The following GALC variants were observed in gnomAD, a reference collection of about 807,000 sequenced individuals.
GALC encodes galactocerebrosidase.
In GALC, 77 loss-of-function variants were observed where a neutral mutation model predicts 91.8. The ratio of observed to expected loss-of-function variants is 0.84; its 90% confidence interval spans 0.70 to 1.01. The LOEUF (loss-of-function observed/expected upper bound fraction) is 1.01, where lower values mean the gene tolerates loss of function less well. Ranked by LOEUF, GALC falls within the 50% of genes least tolerant of loss-of-function variation. GALC has a pLI of 0.00. For missense variants in GALC, 882 were observed against 855.9 expected (o/e 1.03, Z -0.38); for synonymous variants, 357 against 306.7 (o/e 1.16, Z -1.71).
chr14:87,950,018 C>A, intron 11 of GALC, 87 bp from the exon 12 acceptor site: 1 of 740,324 alleles, frequency 1.4e-6, no homozygotes, highest in Non-Finnish European at 2.5e-6. Flanking sequence ...CAAGAATGTA[C>A]CAATGACAAT....
intron 15 of GALC, among the ~76,000 whole-genome samples, chr14:87,940,509 T>C (rs947096487): frequency 2.6e-5 from 4 of 151,914 alleles, no homozygotes; most frequent in African/African-American, 9.7e-5. Context: ...GACACAGATT[T>C]AAATTCCTAG....
rs1884427513 is a variant in GALC, at chr14:87,933,070, TTG to T, written c.*1660_*1661del. 1 of 152,064 alleles carries T rather than the reference TTG, an allele frequency of 6.6e-6. No homozygotes were observed. The highest frequency in any genetic ancestry group is 1.5e-5 in the Non-Finnish European group (1 of 67,994). The allele number at this position is 152,064 out of a possible 1,614,324, so 9.4% of individuals were successfully genotyped here. ...CAGAAACTGGTGGGGAGGAAACAAA[TTG>T]TGGTATATTCATACAATGGAAAACT... On this transcript the variant is annotated 3_prime_UTR_variant, in exon 17 of 17. Coordinates refer to ENST00000261304, the MANE Select transcript of GALC (RefSeq NM_000153.4).
At chr14:87,989,430 C>T (rs1212232587) in intron 1 of GALC, 2 of 152,264 alleles carry the variant, frequency 1.3e-5, no homozygotes, top group Non-Finnish European at 1.5e-5. Context: ...GAGGCAAACA[C>T]CCATGGAGCT....
At chr14:87,979,644 G>A (rs367684582) in intron 6 of GALC, among the ~76,000 whole-genome samples, 3 of 152,152 alleles carry the variant, frequency 2.0e-5, no homozygotes, top group Non-Finnish European at 2.9e-5. Flanking sequence ...AATGGAAACC[G>A]TAATACTTTT....
intron 1 of GALC, 186 bp downstream of exon 1, chr14:87,992,784 C>A (rs1887262098): frequency 7.1e-7 from 1 of 1,412,128 alleles, no homozygotes; most frequent in Non-Finnish European, 9.2e-7. Context: ...TCGTGTTAAA[C>A]GAGAAAGCAC....
intron 7 of GALC, among the ~76,000 whole-genome samples, chr14:87,975,301 C>T (rs977654577): frequency 2.6e-5 from 4 of 152,034 alleles, no homozygotes; most frequent in African/African-American, 7.2e-5. Context: ...AGAGCAAGAA[C>T]ATAAAGATTA....
At chr14:87,980,336 G>A (rs1285819909) in intron 6 of GALC, among the ~76,000 whole-genome samples, 1 of 151,218 alleles carries the variant, frequency 6.6e-6, no homozygotes, top group Non-Finnish European at 1.5e-5. Context: ...GAGCCAAGAT[G>A]GCGCCATTGC....
In GALC at chr14:87,949,829, T is replaced by C. The variant is rs1192426175; in HGVS notation, c.1338+16A>G. ...TGTTGGAATACCCAAAATATAAGAA[T>C]TTACTTTAAAATTACCCATAGAGAA... is the stretch of plus-strand genomic sequence containing the variant. On this transcript the variant is annotated intron_variant, in intron 12 of 16. Coordinates refer to ENST00000261304, the MANE Select transcript of GALC (RefSeq NM_000153.4). 6 of 1,381,520 alleles carry C rather than the reference T, an allele frequency of 4.3e-6. No homozygotes were observed. The highest frequency in any genetic ancestry group is 6.2e-6 in the Non-Finnish European group (6 of 970,132). 85.6% of individuals were successfully genotyped at this position (1,381,520 alleles called of 1,614,324 possible).
intron 10 of GALC, chr14:87,955,294 G>A (rs1885484404): frequency 1.6e-6 from 1 of 640,732 alleles, no homozygotes; most frequent in East Asian, 2.7e-5. Context: ...TTTTGCTTTG[G>A]ATTTTTTATT....
rs757920477 is a variant in GALC at position 87,982,220 on chromosome 14, A to G, written c.606T>C (p.Asn202=). ...TTGTACACACCTTAATATAATTGGC[A>G]TTATATGACCTCTCATTCCAAATCT... The part of the protein sequence containing the change: ...YIGIWNERSY[N]ANYIKILRKM... The change falls in exon 6 of 17, where the codon AAT becomes AAC. Residue 202 remains asparagine, a synonymous_variant. Transcript: ENST00000261304. 1 of 1,578,944 alleles carries G rather than the reference A, an allele frequency of 6.3e-7. No homozygotes were observed. The highest frequency in any genetic ancestry group is 1.3e-5 in the African/African-American group (1 of 74,388).
At chr14:87,966,801 T>C (rs1184513510) in intron 8 of GALC, among the ~76,000 whole-genome samples, 2 of 152,226 alleles carry the variant, frequency 1.3e-5, no homozygotes, top group Non-Finnish European at 2.9e-5. Flanking sequence ...CATGGGCATA[T>C]ACAAAGATAT....
chr14:87,963,363 A>G (rs2139991815), intron 10 of GALC, 21 bp downstream of exon 10: 2 of 1,611,858 alleles, frequency 1.2e-6, no homozygotes, highest in East Asian at 4.5e-5. Context: ...AGTTAATCCA[A>G]TAGCAACAAC....
intron 10 of GALC, chr14:87,953,449 A>C (rs1885392793): frequency 1.3e-6 from 2 of 1,549,634 alleles, no homozygotes; most frequent in Non-Finnish European, 1.8e-6. Flanking sequence ...TTTTCCTAAA[A>C]CAGAAAATAG....
intron 10 of GALC, among the ~76,000 whole-genome samples, chr14:87,957,739 A>C (rs1885616504): frequency 1.3e-5 from 2 of 152,180 alleles, no homozygotes; most frequent in South Asian, 4.1e-4. Flanking sequence ...TGAGAATCAA[A>C]CCAATAACTC....
chr14:87,983,813 G>A (rs1162934641), intron 5 of GALC, among the ~76,000 whole-genome samples: 2 of 152,138 alleles, frequency 1.3e-5, no homozygotes, highest in South Asian at 4.1e-4. Context: ...ACAGGTGAAC[G>A]CAGATTTCAG....
At chr14:87,953,644 A>C in intron 10 of GALC, 11 of 1,609,704 alleles carry the variant, frequency 6.8e-6, no homozygotes, top group Non-Finnish European at 9.3e-6. Context: ...CTCTGAAGAT[A>C]AAGTGGGCCA....
intron 10 of GALC, 172 bp downstream of exon 10, chr14:87,963,212 T>G: frequency 1.6e-6 from 1 of 614,912 alleles, no homozygotes; most frequent in East Asian, 3.0e-5. Flanking sequence ...CAGTGAGTTG[T>G]GTGCTATGTT....
chr14:87,975,076 AAATAT>A (rs1427081671), intron 7 of GALC, among the ~76,000 whole-genome samples: 1 of 152,080 alleles, frequency 6.6e-6, no homozygotes, highest in African/African-American at 2.4e-5. Context: ...TAAAATGTTT[AAATAT>A]AATTAAGAAA....
In GALC at chr14:87,968,634, T is replaced by C. The variant is rs1390803763; in HGVS notation, c.753-144A>G. On this transcript the variant is annotated intron_variant, in intron 7 of 16. Transcript: ENST00000261304. ...AGTTGGGTAGCTTCCAGGTAGATAA[T>C]GAATCTAAGCATCTGCTTTATGCCC... is the stretch of plus-strand genomic sequence containing the variant. 5.1e-6 allele frequency: 4 copies of C among 787,872 alleles called. No homozygotes were observed. The African/African-American group carries it at 7.0e-5, about 14-fold the overall frequency. The allele number at this position is 787,872 out of a possible 1,614,324, so 48.8% of individuals were successfully genotyped here.
Sources: allele counts gnomAD v4.1 joint callset (sites outside exome capture counted in the v4.1 genomes callset), GRCh38; gene constraint gnomAD v4.1.1; transcripts MANE v1.5; gene names NCBI Gene and HGNC (gene_info 2026-07-23, HGNC 2026-07-21).